EIF4E3: variants seen among roughly 807,000 people sequenced by gnomAD.
EIF4E3 encodes eukaryotic translation initiation factor 4E type 3.
EIF4E3 carries 26 observed loss-of-function variants against 31.7 expected under a neutral mutation model. The observed-to-expected ratio is 0.82, with a 90% CI of 0.60 to 1.14. The LOEUF (loss-of-function observed/expected upper bound fraction) is 1.14, where lower values mean the gene tolerates loss of function less well. EIF4E3 is among the 50% of genes most tolerant of loss of function. EIF4E3 has a pLI of 0.00. For synonymous variants in EIF4E3, 128 were observed against 107.7 expected, an observed-to-expected ratio of 1.19 and a Z score of -1.17; for missense variants, 304 against 270.9, an observed-to-expected ratio of 1.12 and a Z score of -0.86.
At chr3:71,753,671 A>AGCGGCGGCG (rs1207098847), upstream of EIF4E3, 5 of 138,476 alleles carry the variant, frequency 3.6e-5, no homozygotes, top group African/African-American at 1.4e-4. Flanking sequence ...CGGCGGCGGC[A>AGCGGCGGCG]GCGGCGGCAG....
chr3:71,673,044 G>C (rs1418956218), downstream of EIF4E3, among the ~76,000 whole-genome samples: 2 of 152,140 alleles, frequency 1.3e-5, no homozygotes, highest in African/African-American at 4.8e-5. Flanking sequence ...ATGAATAATC[G>C]GAAGGGGTCT....
Position 71,725,117 on chromosome 3 carries a change from C to T in EIF4E3, c.176+75G>A. 1 of 989,832 alleles carries T rather than the reference C, an allele frequency of 1.0e-6. No homozygotes were observed. The highest frequency in any genetic ancestry group is 4.4e-5 in the South Asian group (1 of 22,530). The allele number at this position is 989,832 out of a possible 1,614,324, so 61.3% of individuals were successfully genotyped here. ...AGCGGAGCGGGGCCGGGGCGAGGGG[C>T]CGCGCCGAGACAAAGCGGCGGTGGC... On this transcript the variant is annotated intron_variant, in intron 1 of 6. Transcript: ENST00000425534. The surrounding 1 kb of genome is among the most constrained non-coding windows in gnomAD (Gnocchi z 6.1).
intron 1 of EIF4E3, among the ~76,000 whole-genome samples, chr3:71,716,822 A>G (rs1281086710): frequency 1.3e-5 from 2 of 152,156 alleles, no homozygotes; most frequent in Admixed American, 1.3e-4. Flanking sequence ...TGCATGACCA[A>G]TATTCAGCCT....
intron 1 of EIF4E3, among the ~76,000 whole-genome samples, chr3:71,734,036 C>G (rs1316455161): frequency 6.6e-6 from 1 of 152,218 alleles, no homozygotes; most frequent in Non-Finnish European, 1.5e-5. Flanking sequence ...ATTGCATACT[C>G]ACAATACAGA....
At chr3:71,707,120 C>T (rs540542610) in intron 2 of EIF4E3, among the ~76,000 whole-genome samples, 12 of 152,070 alleles carry the variant, frequency 7.9e-5, no homozygotes, top group Non-Finnish European at 1.5e-4. Flanking sequence ...GAAGAAAGCA[C>T]GAAAAGATAT....
intron 1 of EIF4E3, among the ~76,000 whole-genome samples, chr3:71,740,768 GA>G (rs1235054902): frequency 6.6e-6 from 1 of 152,084 alleles, no homozygotes; most frequent in African/African-American, 2.4e-5. Context: ...AATATTTACT[GA>G]GTACCTACTA....
At chr3:71,665,177 T>C in the EIF4E3 span, among the ~76,000 whole-genome samples, 2 of 152,234 alleles carry the variant, frequency 1.3e-5, no homozygotes, top group Non-Finnish European at 2.9e-5. Context: ...TTTGGTATTT[T>C]GCTATATTCT....
chr3:71,660,487 A>AC, the EIF4E3 span, among the ~76,000 whole-genome samples: 2 of 152,060 alleles, frequency 1.3e-5, no homozygotes, highest in Admixed American at 6.6e-5. Flanking sequence ...TGCCCACCAA[A>AC]CCCGGGCCCT....
chr3:71,754,276 T>G (rs761777436), upstream of EIF4E3: 3 of 1,190,096 alleles, frequency 2.5e-6, no homozygotes, highest in Non-Finnish European at 2.1e-6. This position sits in a 1 kb window ranked among gnomAD's most constrained non-coding sequence, Gnocchi z 5.8. Flanking sequence ...CCGGCCGTCA[T>G]GCTGGCGGCG....
At chr3:71,715,191 C>T (rs1220566733) in intron 1 of EIF4E3, among the ~76,000 whole-genome samples, 7 of 152,190 alleles carry the variant, frequency 4.6e-5, no homozygotes, top group Admixed American at 1.3e-4. Flanking sequence ...CTACAGTGCA[C>T]GGGACAGCCC....
At chr3:71,702,406 C>G (rs148830560) in intron 2 of EIF4E3, among the ~76,000 whole-genome samples, 1 of 152,312 alleles carries the variant, frequency 6.6e-6, no homozygotes, top group East Asian at 1.9e-4. Context: ...TGCCGTCATA[C>G]CCCGGTCAAA....
chr3:71,704,549 TA>T (rs2049264109), intron 2 of EIF4E3, among the ~76,000 whole-genome samples: 1 of 152,220 alleles, frequency 6.6e-6, no homozygotes, highest in South Asian at 2.1e-4. Flanking sequence ...CAACATTTCC[TA>T]AATCTCCAAT....
chr3:71,754,390 T>C, upstream of EIF4E3: 2 of 1,344,590 alleles, frequency 1.5e-6, no homozygotes, highest in South Asian at 1.7e-5. The surrounding 1 kb of genome is among the most constrained non-coding windows in gnomAD (Gnocchi z 5.8). Flanking sequence ...TTCCTGCTGC[T>C]GGGCGTGGGC....
chr3:71,715,377 C>T (rs529613419), intron 1 of EIF4E3, among the ~76,000 whole-genome samples: 1 of 152,210 alleles, frequency 6.6e-6, no homozygotes, highest in South Asian at 2.1e-4. Flanking sequence ...TAGAAAAAGG[C>T]CTTTTCCCAT....
chr3:71,665,566 T>A, the EIF4E3 span, among the ~76,000 whole-genome samples: 1 of 152,328 alleles, frequency 6.6e-6, no homozygotes, highest in Middle Eastern at 3.4e-3. Context: ...CACTGTAACA[T>A]ACTTTTAACT....
chr3:71,751,051 C>T (rs988709490), intron 1 of EIF4E3, among the ~76,000 whole-genome samples: 1 of 151,980 alleles, frequency 6.6e-6, no homozygotes, highest in Non-Finnish European at 1.5e-5. Flanking sequence ...TGTGAGCCAC[C>T]GCATCCGGCC....
chr3:71,724,742 C>A (rs1010854679), intron 1 of EIF4E3, among the ~76,000 whole-genome samples: 13 of 152,180 alleles, frequency 8.5e-5, no homozygotes, highest in African/African-American at 3.1e-4. Context: ...CACCGCACAC[C>A]TCCCAAGGGA....
intron 1 of EIF4E3, among the ~76,000 whole-genome samples, chr3:71,746,804 T>A (rs1406124813): frequency 6.6e-6 from 1 of 152,146 alleles, no homozygotes; most frequent in Non-Finnish European, 1.5e-5. Context: ...TTCCCCCAGC[T>A]CCCAGCAACT....
At chr3:71,705,352 A>T (rs1039328109) in intron 2 of EIF4E3, among the ~76,000 whole-genome samples, 2 of 152,166 alleles carry the variant, frequency 1.3e-5, no homozygotes, top group Admixed American at 6.5e-5. Context: ...TGACCTGCGG[A>T]TATGAAGTCT....
Sources: allele counts gnomAD v4.1 joint callset (sites outside exome capture counted in the v4.1 genomes callset), GRCh38; gene constraint gnomAD v4.1.1; non-coding constraint Gnocchi (gnomAD v3.1); transcripts MANE v1.5; gene names NCBI Gene and HGNC (gene_info 2026-07-23, HGNC 2026-07-21).